AVEN: variants seen among roughly 807,000 people sequenced by gnomAD.
AVEN encodes the protein cell death regulator Aven.
Under a neutral mutation model 38.1 loss-of-function variants are expected in AVEN, and 41 were observed. The observed-to-expected ratio is 1.08, with a 90% CI of 0.84 to 1.40. The LOEUF (loss-of-function observed/expected upper bound fraction) is 1.40, where lower values mean the gene tolerates loss of function less well. Among genes scored for constraint, AVEN ranks in the 40% most tolerant of loss-of-function variants. AVEN has a pLI of 0.00. For synonymous variants in AVEN, 206 were observed against 171.8 expected, an observed-to-expected ratio of 1.20 and a Z score of -1.56; for missense variants, 605 against 438.8, an observed-to-expected ratio of 1.38 and a Z score of -3.38.
intron 2 of AVEN, among the ~76,000 whole-genome samples, chr15:33,925,520 G>A (rs1373297161): frequency 6.6e-6 from 1 of 152,190 alleles, no homozygotes; most frequent in South Asian, 2.1e-4. Flanking sequence ...CACTGCAATG[G>A]TATTAGGACC....
intron 2 of AVEN, among the ~76,000 whole-genome samples, chr15:33,926,430 G>A (rs1893610149): frequency 1.3e-5 from 2 of 152,158 alleles, no homozygotes; most frequent in South Asian, 4.1e-4. Context: ...GTCAGGAAGT[G>A]AACCGTGGAG....
chr15:33,870,100 G>A (rs907831920), intron 4 of AVEN, among the ~76,000 whole-genome samples: 2 of 151,864 alleles, frequency 1.3e-5, no homozygotes, highest in East Asian at 3.9e-4. Context: ...ATTTTTTCTT[G>A]ACCACTCTCT....
chr15:34,000,342 C>G (rs1233371422), intron 2 of AVEN, among the ~76,000 whole-genome samples: 1 of 152,192 alleles, frequency 6.6e-6, no homozygotes, highest in Non-Finnish European at 1.5e-5. Context: ...AAGCCAATAG[C>G]TGGAACAATG....
Position 33,866,668 on chromosome 15 carries a change from G to C in AVEN, c.1034C>G (p.Ser345Cys), listed in dbSNP as rs781474548. ...KNMEPEQPSTSKNVTEEELED... is the reference protein window; with the variant it reads ...KNMEPEQPSTCKNVTEEELED... ...CAGCTCTTCCTCGGTAACATTTTTG[G>C]AGGTACTTGGTTGCTCAGGTTCCAT... The change falls in exon 6 of 6, where the codon TCC (serine) becomes TGC (cysteine). Residue 345 changes from serine (S) to cysteine (C), a missense_variant. Physicochemically the swap from Ser to Cys is moderately radical, Grantham distance 112. Transcript: ENST00000306730. The C allele has an allele frequency of 1.1e-5, 17 of 1,613,864 alleles. No individual in the cohort carries two copies. The highest frequency in any genetic ancestry group is 1.6e-4 in the Middle Eastern group (1 of 6,084).
rs781620950 is a variant in AVEN at position 34,063,542 on chromosome 15, C to CA, written n.1127-111dup. 1.9e-6 allele frequency: 3 copies of CA among 1,613,508 alleles called. No individual in the cohort carries two copies. ...ACCAGGCCTCCTGGTCATCCTCCCG[C>CA]AGGAGCACCTCCACCACTGGGAAGC... On this transcript the variant is annotated intron_variant and non_coding_transcript_variant, in intron 4 of 11. Coordinates refer to the AVEN transcript ENST00000675287. The surrounding 1 kb of genome is among the most constrained non-coding windows in gnomAD (Gnocchi z 4.1).
chr15:33,882,588 G>C, intron 2 of AVEN, among the ~76,000 whole-genome samples: 1 of 151,860 alleles, frequency 6.6e-6, no homozygotes, highest in South Asian at 2.1e-4. Context: ...AATAAGGCTG[G>C]GTGTACAGTG....
rs892886026 is a variant in AVEN at position 33,859,065 on chromosome 15, C to G, written n.2759G>C. ...GTGGAGAGACAGAGGGTGCCCTGCT[C>G]AGGGAGCCCGTGCCTAGATTGGCTC... is the stretch of plus-strand genomic sequence containing the variant. On this transcript the variant is annotated non_coding_transcript_exon_variant, in exon 12 of 12. Transcript: ENST00000675287. 3 of 154,274 alleles carry G rather than the reference C, an allele frequency of 1.9e-5. No individual in the cohort carries two copies. In the South Asian group the frequency reaches 6.1e-4, roughly 31 times the overall value. The allele number at this position is 154,274 out of a possible 1,614,324, so 9.6% of individuals were successfully genotyped here. A position where few individuals can be genotyped will look rare whatever the true frequency, so the allele number is the denominator to read the frequency against.
At chr15:33,864,540 G>A (rs1332659216), downstream of AVEN, among the ~76,000 whole-genome samples, 1 of 151,154 alleles carries the variant, frequency 6.6e-6, no homozygotes. Flanking sequence ...TGAGAGACAG[G>A]CTAAGAAAGA....
upstream of AVEN, among the ~76,000 whole-genome samples, chr15:34,043,354 G>C (rs1278717025): frequency 6.6e-6 from 1 of 152,148 alleles, no homozygotes; most frequent in South Asian, 2.1e-4. Flanking sequence ...CAAATATAAA[G>C]TTTGTGGGGA....
At chr15:33,983,912 T>C (rs1315621156) in intron 2 of AVEN, among the ~76,000 whole-genome samples, 2 of 148,994 alleles carry the variant, frequency 1.3e-5, no homozygotes, top group Non-Finnish European at 3.0e-5. Flanking sequence ...CCAGAATCCA[T>C]AATCTCAGCC....
At chr15:33,935,365 G>A (rs75093912) in intron 2 of AVEN, among the ~76,000 whole-genome samples, 8 of 152,138 alleles carry the variant, frequency 5.3e-5, no homozygotes, top group African/African-American at 1.7e-4. Context: ...CCAAACTGGA[G>A]AATGTTTGTA....
intron 2 of AVEN, among the ~76,000 whole-genome samples, chr15:33,966,115 T>C (rs1895369713): frequency 6.6e-6 from 1 of 152,264 alleles, no homozygotes; most frequent in East Asian, 1.9e-4. Flanking sequence ...CAAAATACAC[T>C]CATAATCTAT....
At chr15:34,075,222 GTAATT>G (rs1303844795), upstream of AVEN, among the ~76,000 whole-genome samples, 18 of 151,278 alleles carry the variant, frequency 1.2e-4, no homozygotes, top group Middle Eastern at 3.4e-3. Context: ...CTGAAACTGG[GTAATT>G]TATAAAGGAA....
intron 1 of AVEN, among the ~76,000 whole-genome samples, chr15:34,073,439 C>T (rs527892548): frequency 5.6e-5 from 3 of 53,118 alleles, no homozygotes; most frequent in African/African-American, 1.5e-4. Flanking sequence ...AATATCTGGT[C>T]ATTCAAACTC....
chr15:34,027,948 T>C (rs1419241343), intron 1 of AVEN, among the ~76,000 whole-genome samples: 1 of 152,164 alleles, frequency 6.6e-6, no homozygotes, highest in Non-Finnish European at 1.5e-5. Context: ...TGTCCAAGGC[T>C]GTGGTCATGC....
intron 2 of AVEN, among the ~76,000 whole-genome samples, chr15:33,970,388 A>G (rs527533306): frequency 1.1e-4 from 17 of 152,116 alleles, no homozygotes; most frequent in African/African-American, 4.1e-4. Context: ...GAAAGCAGCA[A>G]TTTAATACAA....
chr15:33,905,479 C>G (rs1001348059), intron 2 of AVEN, among the ~76,000 whole-genome samples: 3 of 152,216 alleles, frequency 2.0e-5, no homozygotes, highest in Non-Finnish European at 2.9e-5. Context: ...ATCTGCCTAT[C>G]CCTCAATGCC....
upstream of AVEN, among the ~76,000 whole-genome samples, chr15:34,041,449 G>A (rs552181837): frequency 2.0e-4 from 31 of 152,284 alleles, no homozygotes; most frequent in Non-Finnish European, 3.5e-4. Flanking sequence ...AGTGAGAGAC[G>A]AGACCAGTGG....
At chr15:33,894,821 AATAATAACAAT>A (rs67946639) in intron 2 of AVEN, among the ~76,000 whole-genome samples, 39,018 of 69,426 alleles carry the variant, frequency 0.56, 8,046 homozygotes, top group Non-Finnish European at 0.64. Flanking sequence ...AAAAAAAAAA[AATAATAACAAT>A]AATAATAATA....
Sources: allele counts gnomAD v4.1 joint callset (sites outside exome capture counted in the v4.1 genomes callset), GRCh38; gene constraint gnomAD v4.1.1; non-coding constraint Gnocchi (gnomAD v3.1); transcripts MANE v1.5; gene names NCBI Gene and HGNC (gene_info 2026-07-23, HGNC 2026-07-21).